PRKCE: variants seen among roughly 807,000 people sequenced by gnomAD.
The protein encoded by PRKCE is protein kinase C epsilon type.
A neutral mutation model predicts 85.4 loss-of-function variants in PRKCE; 16 were observed. The ratio of observed to expected loss-of-function variants is 0.19; its 90% confidence interval spans 0.13 to 0.28. The LOEUF is 0.28. Ranked by LOEUF, PRKCE falls within the 10% of genes least tolerant of loss-of-function variation. The pLI, the probability that PRKCE is intolerant of heterozygous loss-of-function variation, is 1.00. For synonymous variants in PRKCE, 388 were observed against 371.5 expected (o/e 1.04, Z -0.51); for missense variants, 573 against 975.2 (o/e 0.59, Z 5.49).
intron 2 of PRKCE, among the ~76,000 whole-genome samples, chr2:45,924,216 T>G (rs951403698): frequency 1.2e-4 from 18 of 152,200 alleles, no homozygotes; most frequent in Admixed American, 9.2e-4. Context: ...CCTGGCCATT[T>G]AGTTGCTGAG....
chr2:45,656,458 G>A (rs588969), intron 1 of PRKCE, among the ~76,000 whole-genome samples: 3 of 152,026 alleles, frequency 2.0e-5, no homozygotes, highest in African/African-American at 7.3e-5. Flanking sequence ...GATGACAAAG[G>A]AGGTTGCTTT....
intron 2 of PRKCE, among the ~76,000 whole-genome samples, chr2:45,948,672 C>T (rs957728877): frequency 1.3e-5 from 2 of 151,988 alleles, no homozygotes; most frequent in South Asian, 2.1e-4. Context: ...GCTTTCTTGA[C>T]GAAATAAAAC....
At position 45,849,428 on chromosome 2, in the gene PRKCE, TTCC is replaced by T. The variant is rs1490039733; in HGVS notation, c.412+6368_412+6370del. The stretch of plus-strand genomic sequence containing the variant: ...TCCTTCTGCCATCCTCAGCATTCTC[TTCC>T]TCTCCATCCTTTCAAAAGTGCCCCA... On this transcript the variant is annotated intron_variant, in intron 2 of 14. Transcript: ENST00000306156. 5.9e-5 allele frequency among the ~76,000 whole-genome samples: 9 copies of T among 152,246 alleles called. No individual in the cohort carries two copies. In the East Asian group the frequency reaches 1.4e-3, roughly 23 times the overall value.
chr2:45,795,466 G>A (rs944358578), intron 1 of PRKCE, among the ~76,000 whole-genome samples: 5 of 151,962 alleles, frequency 3.3e-5, no homozygotes, highest in South Asian at 2.1e-4. Flanking sequence ...CCACCACCAC[G>A]CCTGGCTAAT....
chr2:45,736,936 C>T (rs1573128575), intron 1 of PRKCE, among the ~76,000 whole-genome samples: 1 of 152,172 alleles, frequency 6.6e-6, no homozygotes, highest in African/African-American at 2.4e-5. Context: ...AAATCCCAGT[C>T]CCAGAAAATG....
intron 1 of PRKCE, among the ~76,000 whole-genome samples, chr2:45,666,206 GC>G (rs1260689102): frequency 3.9e-5 from 6 of 152,264 alleles, no homozygotes; most frequent in African/African-American, 1.4e-4. Flanking sequence ...AGCTCCAGGT[GC>G]CTGAGTACTA....
intron 2 of PRKCE, among the ~76,000 whole-genome samples, chr2:45,955,090 T>C (rs62128991): frequency 0.43 from 65,477 of 151,564 alleles, 14,202 homozygotes; most frequent in Middle Eastern, 0.57. Flanking sequence ...CTCCATCAAG[T>C]ACTCCATCAA....
At chr2:46,029,212 A>C (rs1252064047) in intron 10 of PRKCE, among the ~76,000 whole-genome samples, 1 of 152,202 alleles carries the variant, frequency 6.6e-6, no homozygotes, top group Non-Finnish European at 1.5e-5. Flanking sequence ...GGATATCCTG[A>C]GACACAGGGA....
rs925558243 is a variant in PRKCE at position 46,159,285 on chromosome 2, A to T, written c.1921-321A>T. ...CATAATCCCAGCTTGGTCCCTTACTAGCTGGGTGACTTTGGCCAAATTAGC... is the reference window on the plus strand; with the variant it reads ...CATAATCCCAGCTTGGTCCCTTACTTGCTGGGTGACTTTGGCCAAATTAGC... On this transcript the variant is annotated intron_variant, in intron 13 of 14. Transcript: ENST00000306156. The surrounding 1 kb of genome is among the most constrained non-coding windows in gnomAD (Gnocchi z 4.1). Among the ~76,000 whole-genome samples the T allele has an allele frequency of 1.3e-5, 2 of 152,202 alleles. No homozygotes were observed. The highest frequency in any genetic ancestry group is 2.9e-5 in the Non-Finnish European group (2 of 68,036).
intron 10 of PRKCE, among the ~76,000 whole-genome samples, chr2:46,084,333 T>C (rs1669376097): frequency 6.6e-6 from 1 of 152,206 alleles, no homozygotes; most frequent in Non-Finnish European, 1.5e-5. Context: ...AGATATGCTT[T>C]GTAAATAAAG....
intron 11 of PRKCE, among the ~76,000 whole-genome samples, chr2:46,126,719 G>A (rs1167110688): frequency 6.6e-6 from 1 of 152,148 alleles, no homozygotes; most frequent in East Asian, 1.9e-4. Context: ...TCTATGGTAA[G>A]GGATTGACAA....
intron 11 of PRKCE, among the ~76,000 whole-genome samples, chr2:46,125,079 T>A (rs933564779): frequency 6.6e-6 from 1 of 152,256 alleles, no homozygotes; most frequent in Non-Finnish European, 1.5e-5. Context: ...AATTCTTCTT[T>A]ACTGCCATGC....
In PRKCE at chr2:46,182,565, C is replaced by G. The variant is rs182743046; in HGVS notation, c.2068-2170C>G. Among the ~76,000 whole-genome samples the G allele has an allele frequency of 7.0e-3, 1,060 of 152,302 alleles. 5 individuals carry two copies. The highest frequency in any genetic ancestry group is 1.0e-2 in the Non-Finnish European group (680 of 68,030). On this transcript the variant is annotated intron_variant, in intron 14 of 14. Transcript: ENST00000306156. The stretch of plus-strand genomic sequence containing the variant: ...CCCTTGGGTTTTCTGTGTGTCCCCC[C>G]CTTCCCCCTTCCAAGGTCTCTGAGA...
At chr2:45,992,326 G>A (rs896643782) in intron 6 of PRKCE, among the ~76,000 whole-genome samples, 1 of 152,164 alleles carries the variant, frequency 6.6e-6, no homozygotes, top group Admixed American at 6.5e-5. Flanking sequence ...CAGACAAGCG[G>A]CCGATCGTGG....
intron 1 of PRKCE, among the ~76,000 whole-genome samples, chr2:45,715,639 C>T (rs774558960): frequency 2.0e-5 from 3 of 152,120 alleles, no homozygotes; most frequent in Non-Finnish European, 2.9e-5. Flanking sequence ...TCTAAGGTGT[C>T]AAGTCCCTTT....
chr2:46,016,909 CAAAA>C (rs10555423), intron 10 of PRKCE, among the ~76,000 whole-genome samples: 10 of 118,148 alleles, frequency 8.5e-5, no homozygotes, highest in Non-Finnish European at 1.2e-4. Flanking sequence ...GACTCTGTCT[CAAAA>C]AAAAAAAAAA....
chr2:46,062,114 A>G (rs780747904), intron 10 of PRKCE, among the ~76,000 whole-genome samples: 1 of 152,006 alleles, frequency 6.6e-6, no homozygotes, highest in Non-Finnish European at 1.5e-5. Context: ...CACCTGCTTC[A>G]GCCTCCCAAA....
intron 2 of PRKCE, among the ~76,000 whole-genome samples, chr2:45,877,504 C>T (rs1473882294): frequency 6.6e-6 from 1 of 152,072 alleles, no homozygotes; most frequent in Non-Finnish European, 1.5e-5. Context: ...CTGATTAAGT[C>T]TCTTTCTGTA....
chr2:46,039,049 G>T (rs1460344229), intron 10 of PRKCE, among the ~76,000 whole-genome samples: 5 of 152,136 alleles, frequency 3.3e-5, no homozygotes, highest in African/African-American at 9.7e-5. Context: ...CGGCTTTAAT[G>T]GCTAACGTAG....
Sources: allele counts gnomAD v4.1 joint callset (sites outside exome capture counted in the v4.1 genomes callset), GRCh38; gene constraint gnomAD v4.1.1; non-coding constraint Gnocchi (gnomAD v3.1); transcripts MANE v1.5; gene names NCBI Gene and HGNC (gene_info 2026-07-23, HGNC 2026-07-21).